The following CEP97 variants were observed in gnomAD, a reference collection of about 807,000 sequenced individuals.
CEP97 encodes centrosomal protein 97.
In CEP97, 43 loss-of-function variants were observed where a neutral mutation model predicts 73.1. That is an observed-to-expected ratio of 0.59 (90% confidence interval 0.46 to 0.76). CEP97 has a LOEUF of 0.76. CEP97 is among the 30% of genes least tolerant of loss of function. CEP97 has a pLI of 0.00. For missense variants in CEP97, 939 were observed against 1,014.0 expected (o/e 0.93, Z 1.00); for synonymous variants, 337 against 370.0 (o/e 0.91, Z 1.02).
intron 6 of CEP97, among the ~76,000 whole-genome samples, chr3:101,744,322 G>T (rs571558349): frequency 2.4e-4 from 36 of 151,980 alleles, no homozygotes; most frequent in Non-Finnish European, 4.6e-4. Flanking sequence ...ATTGGTTCAT[G>T]CCTGTAATCC....
At position 101,767,673 on chromosome 3, in the gene CEP97, C is replaced by T. The variant is rs2107202106; in HGVS notation, c.*2122C>T. The T allele has an allele frequency of 6.6e-6, 1 of 152,196 alleles. No homozygotes were observed. Among genetic ancestry groups the T allele is most frequent in the South Asian group, 2.1e-4 (1 of 4,824 alleles). 9.4% of individuals were successfully genotyped at this position (152,196 alleles called of 1,614,324 possible). On this transcript the variant is annotated 3_prime_UTR_variant, in exon 11 of 11. Transcript: ENST00000341893. The stretch of plus-strand genomic sequence containing the variant: ...TTTACCTTTGCCTTGTTTCTTTAGC[C>T]CACAAATAGTACTCAGCATACTTTC...
intron 6 of CEP97, among the ~76,000 whole-genome samples, chr3:101,740,573 A>G (rs1253258551): frequency 6.6e-6 from 1 of 152,096 alleles, no homozygotes; most frequent in Admixed American, 6.5e-5. Context: ...TGCTATCCTC[A>G]TCAAGCTACC....
chr3:101,765,179 T>C lies in CEP97; in HGVS notation c.2226T>C (p.Tyr742=), dbSNP rs373734558. 4.3e-6 allele frequency: 7 copies of C among 1,614,092 alleles called. No homozygotes were observed. Among genetic ancestry groups the C allele is most frequent in the African/African-American group, 1.3e-5 (1 of 74,926 alleles). The change falls in exon 11 of 11, where the codon TAT becomes TAC. Residue 742 remains tyrosine, a synonymous_variant. Transcript: ENST00000341893. ...GGAATTCCATTGACACAGTCAGATATGGCAAAGAATCAGATTTAGGGGATG... is the reference window on the plus strand; with the variant it reads ...GGAATTCCATTGACACAGTCAGATACGGCAAAGAATCAGATTTAGGGGATG... ...IMGNSIDTVR[Y]GKESDLGDVS...
chr3:101,763,033 G>T (rs944270208), intron 10 of CEP97: 1 of 1,208,256 alleles, frequency 8.3e-7, no homozygotes, highest in African/African-American at 1.6e-5. Context: ...TACTAGCATT[G>T]TATCACATCA....
intron 6 of CEP97, among the ~76,000 whole-genome samples, chr3:101,738,765 A>G (rs2107147171): frequency 6.6e-6 from 1 of 152,344 alleles, no homozygotes; most frequent in Middle Eastern, 3.4e-3. Context: ...TAACATAACA[A>G]TTAAAAGAAC....
At chr3:101,760,016 G>A (rs1234020044) in intron 9 of CEP97, among the ~76,000 whole-genome samples, 2 of 67,048 alleles carry the variant, frequency 3.0e-5, no homozygotes, top group Non-Finnish European at 5.8e-5. Context: ...AAAACTGATG[G>A]TGCAGCAAAA....
chr3:101,741,692 A>G (rs1411095256), intron 6 of CEP97, among the ~76,000 whole-genome samples: 1 of 152,206 alleles, frequency 6.6e-6, no homozygotes, highest in Non-Finnish European at 1.5e-5. Context: ...GAGAAATGCA[A>G]ATCAAAACCA....
intron 6 of CEP97, among the ~76,000 whole-genome samples, chr3:101,738,792 A>G (rs1938358861): frequency 6.6e-6 from 1 of 152,194 alleles, no homozygotes; most frequent in South Asian, 2.1e-4. Context: ...AGGAAGAACA[A>G]ACAAATTCAA....
intron 6 of CEP97, among the ~76,000 whole-genome samples, chr3:101,735,985 A>G (rs1346604959): frequency 6.6e-6 from 1 of 152,148 alleles, no homozygotes; most frequent in Non-Finnish European, 1.5e-5. Flanking sequence ...TCTGAAGTCG[A>G]CCTGGGATGC....
At chr3:101,729,042 T>C in intron 4 of CEP97, 105 bp downstream of exon 4, 1 of 681,148 alleles carries the variant, frequency 1.5e-6, no homozygotes, top group South Asian at 1.8e-5. Flanking sequence ...CAGATTGCTT[T>C]CTTTATGATA....
intron 10 of CEP97, chr3:101,763,040 A>G (rs1318986139): frequency 2.5e-6 from 3 of 1,224,436 alleles, no homozygotes; most frequent in African/African-American, 1.6e-5. Context: ...ATTGTATCAC[A>G]TCAAATACTT....
chr3:101,738,421 C>G (rs147869797), intron 6 of CEP97, among the ~76,000 whole-genome samples: 23 of 152,288 alleles, frequency 1.5e-4, no homozygotes, highest in African/African-American at 5.5e-4. Context: ...CACACTTATT[C>G]TAAAATTGAC....
At chr3:101,758,632 A>C in intron 9 of CEP97, 1 of 583,620 alleles carries the variant, frequency 1.7e-6, no homozygotes, top group Non-Finnish European at 3.0e-6. Flanking sequence ...CCAGCAAAGC[A>C]CTTGATACAT....
intron 6 of CEP97, among the ~76,000 whole-genome samples, chr3:101,753,277 G>A (rs534257792): frequency 3.2e-4 from 49 of 152,258 alleles, no homozygotes; most frequent in South Asian, 2.1e-3. Flanking sequence ...AGGAGTACCC[G>A]GCTGTGTGAG....
chr3:101,765,477 A>T lies in CEP97; in HGVS notation c.2524A>T (p.Asn842Tyr). The change falls in exon 11 of 11, where the codon AAT (asparagine) becomes TAT (tyrosine). Residue 842 changes from asparagine (N) to tyrosine (Y), a missense_variant. Physicochemically the swap from Asn to Tyr is moderately radical, Grantham distance 143. Coordinates refer to ENST00000341893, the MANE Select transcript of CEP97 (RefSeq NM_024548.4). ...CCAGACACAAGAGAATTCTAAATTA[A>T]ATGCAGAAGTTCAGGGGCAGCAGCC... The part of the protein sequence containing the change: ...ISQTQENSKL[N>Y]AEVQGQQPEC... 6.2e-7 allele frequency: 1 copy of T among 1,614,184 alleles called. No individual in the cohort carries two copies. The highest frequency in any genetic ancestry group is 8.5e-7 in the Non-Finnish European group (1 of 1,180,012).
At position 101,762,497 on chromosome 3, in the gene CEP97, A is replaced by T; in HGVS notation, c.1830A>T (p.Glu610Asp). 1 of 1,607,286 alleles carries T rather than the reference A, an allele frequency of 6.2e-7. No homozygotes were observed. Among genetic ancestry groups the T allele is most frequent in the Non-Finnish European group, 8.5e-7 (1 of 1,175,832 alleles). The part of the protein sequence containing the change: ...LTDEIRRLRK[E>D]RDEERIKKFV... ...TGAATTATTGTAGATTACGAAAAGA[A>T]AGAGATGAAGAACGTATTAAAAAAT... Residue 610 changes from glutamate to aspartate, a missense_variant, in exon 10 of 11, where the codon GAA becomes GAT. Glu to Asp is a conservative substitution (Grantham distance 45). Transcript: ENST00000341893.
At chr3:101,729,816 G>T (rs1163113270) in intron 4 of CEP97, among the ~76,000 whole-genome samples, 1 of 151,202 alleles carries the variant, frequency 6.6e-6, no homozygotes, top group African/African-American at 2.4e-5. Flanking sequence ...TGTCACCCAA[G>T]CAGTGGTGCA....
chr3:101,732,488 A>G lies in CEP97; in HGVS notation c.562A>G (p.Ile188Val). Residue 188 changes from isoleucine to valine, a missense_variant and splice_region_variant, in exon 6 of 11, where the codon ATC becomes GTC. By Grantham distance (29) the Ile-to-Val change is conservative. Transcript: ENST00000341893. ...TCAACAAAGATATCTTTTGTTCCAG[A>G]TCTCTTTTTTGGCATCCTTAACTGA... is the stretch of plus-strand genomic sequence containing the variant. The part of the protein sequence containing the change: ...AENEIRDLNE[I>V]SFLASLTELE... The G allele has an allele frequency of 6.3e-7, 1 of 1,599,474 alleles. No individual in the cohort carries two copies. The highest frequency in any genetic ancestry group is 1.7e-5 in the Admixed American group (1 of 58,906).
chr3:101,746,193 G>C (rs1938609561), intron 6 of CEP97, among the ~76,000 whole-genome samples: 1 of 152,140 alleles, frequency 6.6e-6, no homozygotes, highest in African/African-American at 2.4e-5. Context: ...CTTTGCTATT[G>C]TGAATAATGC....
Sources: allele counts gnomAD v4.1 joint callset (sites outside exome capture counted in the v4.1 genomes callset), GRCh38; gene constraint gnomAD v4.1.1; transcripts MANE v1.5; gene names NCBI Gene and HGNC (gene_info 2026-07-23, HGNC 2026-07-21).